ARHGAP26: variants seen among roughly 807,000 people sequenced by gnomAD.
The protein encoded by ARHGAP26 is rho GTPase-activating protein 26.
A neutral mutation model predicts 104.8 loss-of-function variants in ARHGAP26; 38 were observed. The observed-to-expected ratio is 0.36, with a 90% CI of 0.28 to 0.48. The LOEUF (loss-of-function observed/expected upper bound fraction) is 0.48. Ranked by LOEUF, ARHGAP26 falls within the 20% of genes least tolerant of loss-of-function variation. The pLI, the probability that ARHGAP26 is intolerant of heterozygous loss-of-function variation, is 0.99. For missense variants in ARHGAP26, 704 were observed against 947.9 expected, an observed-to-expected ratio of 0.74 and a Z score of 3.38; for synonymous variants, 341 against 340.0, an observed-to-expected ratio of 1.00 and a Z score of -0.03.
intron 20 of ARHGAP26, among the ~76,000 whole-genome samples, chr5:143,204,967 G>C (rs1489412399): frequency 6.6e-6 from 1 of 151,990 alleles, no homozygotes; most frequent in Non-Finnish European, 1.5e-5. Flanking sequence ...TTTGAAAGTT[G>C]TTGCCAGGCC....
At chr5:143,161,004 A>ATTTTTTT (rs11361288) in intron 20 of ARHGAP26, among the ~76,000 whole-genome samples, 2 of 93,546 alleles carry the variant, frequency 2.1e-5, no homozygotes, top group Admixed American at 1.1e-4. Flanking sequence ...GCTATTTCAG[A>ATTTTTTT]TTTTTTTTTT....
At chr5:143,038,024 AG>A (rs1389396938) in intron 13 of ARHGAP26, among the ~76,000 whole-genome samples, 2 of 152,258 alleles carry the variant, frequency 1.3e-5, no homozygotes, top group Admixed American at 6.5e-5. Context: ...ACAGCCACAA[AG>A]GAGATTCCTC....
rs1021184645 is a variant in ARHGAP26, at chr5:143,224,321, A to G, written c.*1875A>G. 5.2e-5 allele frequency: 12 copies of G among 231,688 alleles called. No homozygotes were observed. The highest frequency in any genetic ancestry group is 1.5e-4 in the African/African-American group (7 of 45,224). The allele number at this position is 231,688 out of a possible 1,614,324, so 14.4% of individuals were successfully genotyped here. On this transcript the variant is annotated 3_prime_UTR_variant, in exon 23 of 23. Transcript: ENST00000645722. ...CCTGAAGGAAAGAGAAGACATTTCT[A>G]TGGCCTTGCTCTCTGCTGTCCTGTT...
intron 12 of ARHGAP26, among the ~76,000 whole-genome samples, chr5:143,029,058 G>C (rs1781474849): frequency 6.6e-6 from 1 of 152,150 alleles, no homozygotes. Context: ...CACAGCCCAG[G>C]GAGCCCTGGC....
chr5:142,829,439 T>G (rs749918406), intron 1 of ARHGAP26, among the ~76,000 whole-genome samples: 9 of 152,328 alleles, frequency 5.9e-5, no homozygotes, highest in Middle Eastern at 3.4e-3. Flanking sequence ...GATCACCTTC[T>G]TTTCCACCCA....
intron 11 of ARHGAP26, among the ~76,000 whole-genome samples, chr5:142,955,126 C>CACACA (rs561605232): frequency 0.08 from 11,875 of 148,624 alleles, 672 homozygotes; most frequent in African/African-American, 0.17. Flanking sequence ...ACACACACAC[C>CACACA]CCCCATCTCT....
At chr5:142,934,568 G>A (rs1379938619) in intron 11 of ARHGAP26, among the ~76,000 whole-genome samples, 3 of 152,152 alleles carry the variant, frequency 2.0e-5, no homozygotes, top group Non-Finnish European at 4.4e-5. Context: ...TAGACAATTA[G>A]CAGCTCCAGC....
At chr5:142,777,153 T>C (rs1179660783) in intron 1 of ARHGAP26, among the ~76,000 whole-genome samples, 34 of 152,242 alleles carry the variant, frequency 2.2e-4, no homozygotes, top group Admixed American at 2.2e-3. Flanking sequence ...TTAGTATATT[T>C]TCTCCATTTG....
intron 10 of ARHGAP26, chr5:142,921,534 A>G (rs1763193001): frequency 1.2e-5 from 2 of 167,112 alleles, no homozygotes; most frequent in Admixed American, 1.3e-4. Context: ...CTGTTAGGGA[A>G]GAGACCCAGG....
chr5:143,012,566 T>A lies in ARHGAP26; in HGVS notation c.1108-1514T>A, dbSNP rs1390906637. 3.1e-3 allele frequency among the ~76,000 whole-genome samples: 265 copies of A among 84,334 alleles called. 39 individuals are homozygous for A. Among genetic ancestry groups the A allele is most frequent in the African/African-American group, 8.4e-3 (245 of 29,054 alleles). The allele number at this position is 84,334 out of a possible 152,430, so 55.3% of individuals were successfully genotyped here. A position where few individuals can be genotyped will look rare whatever the true frequency, so the allele number is the denominator to read the frequency against. On this transcript the variant is annotated intron_variant, in intron 11 of 22. Coordinates refer to ENST00000645722, the MANE Select transcript of ARHGAP26 (RefSeq NM_001135608.3). ...ATACATACATACATATATATATATA[T>A]ATATATATATTATGATCAGGTTCAC...
At chr5:143,145,339 A>G (rs1799028159) in intron 19 of ARHGAP26, among the ~76,000 whole-genome samples, 1 of 152,220 alleles carries the variant, frequency 6.6e-6, no homozygotes, top group Admixed American at 6.5e-5. Context: ...ACTAAAGTTA[A>G]TACAACTGTT....
intron 5 of ARHGAP26, among the ~76,000 whole-genome samples, chr5:142,893,153 T>A (rs1408907259): frequency 6.6e-6 from 1 of 152,042 alleles, no homozygotes; most frequent in Non-Finnish European, 1.5e-5. Flanking sequence ...AATTTTTGTA[T>A]TTTTAGTAGA....
Position 143,121,070 on chromosome 5 carries a change from G to T in ARHGAP26, c.1621G>T (p.Glu541Ter). The T allele has an allele frequency of 6.2e-7, 1 of 1,613,772 alleles. No homozygotes were observed. The highest frequency in any genetic ancestry group is 1.1e-5 in the South Asian group (1 of 91,038). The change falls in exon 18 of 23, where the codon GAA (glutamate) becomes TAA (stop). Residue 541 changes from glutamate to a stop codon, truncating the protein, a stop_gained. Coordinates refer to ENST00000645722, the MANE Select transcript of ARHGAP26 (RefSeq NM_001135608.3). LOFTEE classifies it high-confidence loss of function. ...VFGPTLLRPQEETVAAIMDIK... is the reference protein window; with the variant it reads ...VFGPTLLRPQ ...TGGACCCACTCTGCTGAGGCCTCAG[G>T]AAGAAACAGTAGCAGCCATCATGGA...
chr5:142,837,604 C>T (rs1196100032), intron 1 of ARHGAP26, among the ~76,000 whole-genome samples: 5 of 152,160 alleles, frequency 3.3e-5, no homozygotes, highest in South Asian at 2.1e-4. Context: ...TGTGCAGCTG[C>T]GGAGCTTAAG....
At chr5:142,899,801 A>G (rs74833613) in intron 6 of ARHGAP26, among the ~76,000 whole-genome samples, 1,729 of 152,290 alleles carry the variant, frequency 0.011, 26 homozygotes, top group African/African-American at 0.039. Context: ...GTCATTTCCC[A>G]TAAAAAAATG....
intron 9 of ARHGAP26, among the ~76,000 whole-genome samples, chr5:142,908,030 TAAG>T (rs1761351397): frequency 6.6e-6 from 1 of 152,208 alleles, no homozygotes; most frequent in Non-Finnish European, 1.5e-5. Context: ...GAACTGCAGT[TAAG>T]AAATATTTTT....
intron 11 of ARHGAP26, among the ~76,000 whole-genome samples, chr5:142,948,079 C>G (rs891937620): frequency 3.3e-5 from 5 of 152,052 alleles, no homozygotes; most frequent in Non-Finnish European, 7.4e-5. Context: ...AAAGAGAACC[C>G]AAGAGCATGT....
Position 143,214,008 on chromosome 5 carries a change from G to A in ARHGAP26, c.2111G>A (p.Arg704Gln), listed in dbSNP as rs749105278. The A allele has an allele frequency of 1.2e-5, 19 of 1,586,492 alleles. No homozygotes were observed. Among genetic ancestry groups the A allele is most frequent in the South Asian group, 3.4e-5 (3 of 88,934 alleles). Reference sequence around the variant, plus strand: ...CTGTTTTCACACAGCACACCGTTCCGGAAGGCAAAAGCCTTGTATGCCTGC... The same window carrying A: ...CTGTTTTCACACAGCACACCGTTCCAGAAGGCAAAAGCCTTGTATGCCTGC... The part of the protein sequence containing the change: ...SDSSPVSTPF[R>Q]KAKALYACKA... Residue 704 changes from arginine to glutamine, a missense_variant, in exon 22 of 23, where the codon CGG becomes CAG. Transcript: ENST00000645722.
At chr5:142,788,894 GTTTAT>G (rs1248394242) in intron 1 of ARHGAP26, among the ~76,000 whole-genome samples, 2 of 152,034 alleles carry the variant, frequency 1.3e-5, no homozygotes, top group African/African-American at 2.4e-5. Context: ...GTTTTATAAA[GTTTAT>G]TTCATTGAAC....
Sources: gnomAD v4.1 joint callset for allele counts (sites outside exome capture counted in the v4.1 genomes callset) on GRCh38, gnomAD v4.1.1 for gene constraint, MANE v1.5 for transcripts, NCBI Gene and HGNC (gene_info 2026-07-23, HGNC 2026-07-21) for gene names.